Variants in PPHLN1 observed in about 807,000 individuals in gnomAD.
PPHLN1 encodes periphilin-1.
PPHLN1 carries 29 observed loss-of-function variants against 51.3 expected under a neutral mutation model. The ratio of observed to expected loss-of-function variants is 0.57; its 90% confidence interval spans 0.42 to 0.77. PPHLN1 has a LOEUF of 0.77. Among genes scored for constraint, PPHLN1 ranks in the 30% least tolerant of loss-of-function variants. The pLI is 0.00. For synonymous variants in PPHLN1, 147 were observed against 147.8 expected, an observed-to-expected ratio of 0.99 and a Z score of 0.04; for missense variants, 436 against 438.4, an observed-to-expected ratio of 0.99 and a Z score of 0.05.
chr12:42,412,891 C>T (rs979393788), intron 9 of PPHLN1, among the ~76,000 whole-genome samples: 2 of 152,026 alleles, frequency 1.3e-5, no homozygotes, highest in African/African-American at 2.4e-5. Context: ...AACATTTTTT[C>T]GTATGTTTGT....
chr12:42,435,717 C>G (rs1173371730), intron 9 of PPHLN1, among the ~76,000 whole-genome samples: 1 of 152,022 alleles, frequency 6.6e-6, no homozygotes, highest in Non-Finnish European at 1.5e-5. Context: ...TTTACAGATG[C>G]TAATTATATT....
chr12:42,393,997 G>T (rs1414106755), intron 8 of PPHLN1, among the ~76,000 whole-genome samples: 1 of 151,978 alleles, frequency 6.6e-6, no homozygotes, highest in Non-Finnish European at 1.5e-5. Context: ...AGGAAATCAT[G>T]CTAAGCCACT....
intron 2 of PPHLN1, among the ~76,000 whole-genome samples, chr12:42,337,386 A>G (rs1028605209): frequency 1.3e-5 from 2 of 150,764 alleles, no homozygotes; most frequent in African/African-American, 2.4e-5. Context: ...GTCTCGGCTC[A>G]CTGGGTTCAA....
intron 7 of PPHLN1, among the ~76,000 whole-genome samples, chr12:42,393,157 T>C (rs1705386036): frequency 6.6e-6 from 1 of 152,202 alleles, no homozygotes; most frequent in South Asian, 2.1e-4. Flanking sequence ...TAATAGCATA[T>C]CTGTACGTTT....
chr12:42,379,370 G>C (rs2076574485), intron 5 of PPHLN1, among the ~76,000 whole-genome samples: 1 of 151,378 alleles, frequency 6.6e-6, no homozygotes, highest in South Asian at 2.1e-4. Context: ...ATTCTTCTTA[G>C]AGCCATATAT....
intron 1 of PPHLN1, among the ~76,000 whole-genome samples, chr12:42,329,362 C>A (rs902273292): frequency 2.0e-5 from 3 of 152,138 alleles, no homozygotes; most frequent in African/African-American, 7.2e-5. Context: ...CCCTCGGCCT[C>A]CCAAAGTGCT....
At chr12:42,326,690 G>T (rs2068828830) in intron 1 of PPHLN1, among the ~76,000 whole-genome samples, 1 of 152,178 alleles carries the variant, frequency 6.6e-6, no homozygotes, top group Non-Finnish European at 1.5e-5. Context: ...TTTAGTATGG[G>T]TATGGACAAG....
chr12:42,424,738 T>C (rs2081279179), intron 9 of PPHLN1, among the ~76,000 whole-genome samples: 1 of 152,174 alleles, frequency 6.6e-6, no homozygotes, highest in African/African-American at 2.4e-5. Context: ...AAAGAGATTA[T>C]GGCATACATT....
At chr12:42,425,586 A>G (rs1012581720) in intron 9 of PPHLN1, among the ~76,000 whole-genome samples, 1 of 141,648 alleles carries the variant, frequency 7.1e-6, no homozygotes, top group African/African-American at 2.7e-5. Context: ...ATGAGGTTTC[A>G]CCATGTTGGC....
At chr12:42,424,458 A>G (rs1217045892) in intron 9 of PPHLN1, among the ~76,000 whole-genome samples, 1 of 152,176 alleles carries the variant, frequency 6.6e-6, no homozygotes, top group East Asian at 1.9e-4. Context: ...TAATGTCAAC[A>G]TCAAACCAGT....
At chr12:42,442,549 C>A, downstream of PPHLN1, 2 of 1,559,784 alleles carry the variant, frequency 1.3e-6, no homozygotes, top group Non-Finnish European at 1.7e-6. Context: ...ACTGCACTCT[C>A]TTTTGGGCTG....
intron 7 of PPHLN1, among the ~76,000 whole-genome samples, chr12:42,389,839 T>TATGTG (rs1555204125): frequency 5.8e-4 from 88 of 152,210 alleles, no homozygotes; most frequent in African/African-American, 1.9e-3. Context: ...ACAGAAATCT[T>TATGTG]AGTAGGTACA....
intron 7 of PPHLN1, among the ~76,000 whole-genome samples, chr12:42,390,112 A>T (rs2077559603): frequency 2.0e-5 from 3 of 151,978 alleles, no homozygotes. Flanking sequence ...TCTGCCTTTT[A>T]TACTTTTTGG....
intron 4 of PPHLN1, among the ~76,000 whole-genome samples, chr12:42,369,812 C>T (rs2075626394): frequency 6.6e-6 from 1 of 152,202 alleles, no homozygotes; most frequent in Non-Finnish European, 1.5e-5. Flanking sequence ...GTTTCCACGT[C>T]AACTTTGAAC....
intron 9 of PPHLN1, among the ~76,000 whole-genome samples, chr12:42,409,093 C>CT (rs2079572741): frequency 6.6e-6 from 1 of 152,136 alleles, no homozygotes; most frequent in Admixed American, 6.6e-5. Flanking sequence ...TCTACCTTCT[C>CT]TTTCTCTCAA....
chr12:42,339,744 T>C (rs1310914280), intron 2 of PPHLN1, among the ~76,000 whole-genome samples: 1 of 152,238 alleles, frequency 6.6e-6, no homozygotes, highest in African/African-American at 2.4e-5. Context: ...GTGGTTTCAT[T>C]GCTGTAATTT....
intron 9 of PPHLN1, among the ~76,000 whole-genome samples, chr12:42,440,711 G>A (rs1406290278): frequency 6.6e-6 from 1 of 152,198 alleles, no homozygotes. Context: ...CCAAGTAGCT[G>A]GGGTTACAGA....
intron 8 of PPHLN1, among the ~76,000 whole-genome samples, chr12:42,395,365 A>G (rs2078107060): frequency 6.6e-6 from 1 of 152,134 alleles, no homozygotes; most frequent in African/African-American, 2.4e-5. Flanking sequence ...GAACAGCAGC[A>G]TCAATTTCAT....
chr12:42,442,631 G>A (rs1259125731), downstream of PPHLN1: 11 of 1,613,580 alleles, frequency 6.8e-6, no homozygotes, highest in South Asian at 7.7e-5. Flanking sequence ...TCATCCGGTC[G>A]CTCGGCCAGA....
Sources: allele counts gnomAD v4.1 joint callset (sites outside exome capture counted in the v4.1 genomes callset), GRCh38; gene constraint gnomAD v4.1.1; transcripts MANE v1.5; gene names NCBI Gene and HGNC (gene_info 2026-07-23, HGNC 2026-07-21).